NUDT3: variants seen among roughly 807,000 people sequenced by gnomAD.
NUDT3 encodes the protein diphosphoinositol polyphosphate phosphohydrolase 1.
Under a neutral mutation model 23.6 loss-of-function variants are expected in NUDT3, and 9 were observed. That is an observed-to-expected ratio of 0.38 (90% CI 0.23 to 0.66). NUDT3 has a LOEUF of 0.66. Among genes scored for constraint, NUDT3 ranks in the 30% least tolerant of loss-of-function variants. NUDT3 has a pLI of 0.52. For missense variants in NUDT3, 172 were observed against 218.5 expected (o/e 0.79, Z 1.34); for synonymous variants, 86 against 82.6 (o/e 1.04, Z -0.22).
intron 1 of NUDT3, among the ~76,000 whole-genome samples, chr6:34,389,872 G>A (rs185463557): frequency 6.6e-6 from 1 of 152,126 alleles, no homozygotes; most frequent in African/African-American, 2.4e-5. Flanking sequence ...GCTAAGGCAG[G>A]AGAATGGCGT....
At chr6:34,336,184 G>A (rs1036882290) in intron 2 of NUDT3, among the ~76,000 whole-genome samples, 5 of 152,010 alleles carry the variant, frequency 3.3e-5, no homozygotes, top group Admixed American at 1.3e-4. Context: ...CAGGAGAATC[G>A]CTTGAAACCC....
intron 1 of NUDT3, among the ~76,000 whole-genome samples, chr6:34,384,659 AT>A (rs1319225113): frequency 5.9e-5 from 9 of 152,346 alleles, no homozygotes; most frequent in Middle Eastern, 3.4e-3. Flanking sequence ...ATTTTGGATT[AT>A]AAAATCTTAC....
chr6:34,347,950 C>G (rs958387807), intron 1 of NUDT3, among the ~76,000 whole-genome samples: 1 of 151,270 alleles, frequency 6.6e-6, no homozygotes, highest in Non-Finnish European at 1.5e-5. Flanking sequence ...GCCTGGGCAA[C>G]ATACTGAAAC....
At chr6:34,318,850 ACCATGCCCAG>A (rs1763898569) in intron 2 of NUDT3, among the ~76,000 whole-genome samples, 1 of 152,152 alleles carries the variant, frequency 6.6e-6, no homozygotes, top group African/African-American at 2.4e-5. Flanking sequence ...GGTGTGAGCC[ACCATGCCCAG>A]CCTGTACATG....
intron 1 of NUDT3, among the ~76,000 whole-genome samples, chr6:34,387,673 TAAAA>T (rs752125676): frequency 2.0e-5 from 2 of 98,780 alleles, no homozygotes; most frequent in African/African-American, 7.8e-5. Context: ...CATCTCTTTT[TAAAA>T]AAAAAAAAAA....
intron 2 of NUDT3, among the ~76,000 whole-genome samples, chr6:34,297,098 A>T (rs374160142): frequency 1.9e-3 from 295 of 151,474 alleles, no homozygotes; most frequent in African/African-American, 7.0e-3. Context: ...CGCCCGGCTA[A>T]TTTTTTCTAT....
In NUDT3 at chr6:34,304,432, G is replaced by A. The variant is rs1314940075; in HGVS notation, c.211-8747C>T. Among the ~76,000 whole-genome samples the A allele has an allele frequency of 2.0e-5, 3 of 151,144 alleles. No individual in the cohort carries two copies. The East Asian group carries it at 5.8e-4, about 29-fold the overall frequency. On this transcript the variant is annotated intron_variant, in intron 2 of 4. Transcript: ENST00000607016. ...GAAAGGAAAGGAAAGGAAAAGAAAG[G>A]AAAAAGGAAAGGAAGAGTTTGCTAA...
intron 3 of NUDT3, 26 bp from the exon 4 acceptor site, chr6:34,293,561 A>T (rs1317607719): frequency 6.2e-7 from 1 of 1,609,730 alleles, no homozygotes; most frequent in Admixed American, 1.7e-5. Flanking sequence ...AGAAGGATAG[A>T]GAGAGTTTTT....
intron 1 of NUDT3, among the ~76,000 whole-genome samples, chr6:34,350,664 T>C (rs1288660601): frequency 6.6e-6 from 1 of 150,958 alleles, no homozygotes; most frequent in East Asian, 1.9e-4. Flanking sequence ...AAAGCCATTC[T>C]ACTATTTTTA....
intron 2 of NUDT3, among the ~76,000 whole-genome samples, chr6:34,323,887 G>A (rs773880521): frequency 6.6e-6 from 1 of 152,146 alleles, no homozygotes; most frequent in Non-Finnish European, 1.5e-5. Flanking sequence ...CATGGAATTA[G>A]GGTAATATAT....
intron 2 of NUDT3, among the ~76,000 whole-genome samples, chr6:34,302,184 A>G (rs1763607985): frequency 1.3e-5 from 2 of 148,840 alleles, no homozygotes; most frequent in African/African-American, 4.9e-5. Flanking sequence ...GGCACGTGCC[A>G]TCACAACTGG....
rs185999109 is a variant in NUDT3, at chr6:34,356,239, A to G, written c.100-14267T>C. Among the ~76,000 whole-genome samples the G allele has an allele frequency of 3.3e-4, 50 of 152,282 alleles. No homozygotes were observed. The East Asian group carries it at 9.3e-3, about 28-fold the overall frequency. On this transcript the variant is annotated intron_variant, in intron 1 of 4. Coordinates refer to ENST00000607016, the MANE Select transcript of NUDT3 (RefSeq NM_006703.4). ...ATGCCTATATCAAAATATCTTACGT[A>G]CCCACAAAAATTAAAAATTACATTT...
intron 1 of NUDT3, among the ~76,000 whole-genome samples, chr6:34,375,690 G>C (rs1026762138): frequency 6.6e-6 from 1 of 152,074 alleles, no homozygotes; most frequent in African/African-American, 2.4e-5. Context: ...TCAGACTCTT[G>C]GGTTTTTTCA....
chr6:34,307,763 C>T (rs1763703888), intron 2 of NUDT3, among the ~76,000 whole-genome samples: 1 of 152,058 alleles, frequency 6.6e-6, no homozygotes, highest in African/African-American at 2.4e-5. Flanking sequence ...GGACAGAAAG[C>T]TATCAAACAT....
rs562470396 is a variant in NUDT3 at position 34,302,663 on chromosome 6, C to T, written c.211-6978G>A. Among the ~76,000 whole-genome samples, 104 of 151,898 alleles carry T rather than the reference C, an allele frequency of 6.8e-4. 1 individual carries two copies. The highest frequency in any genetic ancestry group is 3.9e-3 in the Admixed American group (60 of 15,240). On this transcript the variant is annotated intron_variant, in intron 2 of 4. Coordinates refer to ENST00000607016, the MANE Select transcript of NUDT3 (RefSeq NM_006703.4). Reference sequence around the variant, plus strand: ...AGGAGAATTGCTTGAACCTGGGAGGCGGAGATTGCAGTGAGCCAAGATTGC... The same window carrying T: ...AGGAGAATTGCTTGAACCTGGGAGGTGGAGATTGCAGTGAGCCAAGATTGC...
At chr6:34,380,769 A>T (rs958164787) in intron 1 of NUDT3, among the ~76,000 whole-genome samples, 1 of 152,170 alleles carries the variant, frequency 6.6e-6, no homozygotes, top group Admixed American at 6.6e-5. Context: ...GCAGGGAATA[A>T]CAGCTTTCTT....
chr6:34,361,795 T>C (rs1280076257), intron 1 of NUDT3, among the ~76,000 whole-genome samples: 1 of 152,158 alleles, frequency 6.6e-6, no homozygotes, highest in Non-Finnish European at 1.5e-5. Flanking sequence ...TCCAACTAGA[T>C]AACATTCTGG....
rs113877473 is a variant in NUDT3 at position 34,367,426 on chromosome 6, G to A, written c.99+24838C>T. 4.5e-3 allele frequency among the ~76,000 whole-genome samples: 677 copies of A among 151,292 alleles called. 5 individuals are homozygous for A. Among genetic ancestry groups the A allele is most frequent in the Middle Eastern group, 0.027 (8 of 292 alleles). ...GAACCTGGGAGGCGGAGGTTGCAGC[G>A]AGCCGAGATCGCACCATTGAACTAC... On this transcript the variant is annotated intron_variant, in intron 1 of 4. Coordinates refer to ENST00000607016, the MANE Select transcript of NUDT3 (RefSeq NM_006703.4).
intron 2 of NUDT3, among the ~76,000 whole-genome samples, chr6:34,327,790 A>C (rs1473589120): frequency 1.3e-5 from 2 of 152,020 alleles, no homozygotes; most frequent in African/African-American, 2.4e-5. Context: ...GGAAAGGGAG[A>C]CTTCCTTTCA....
Sources: allele counts gnomAD v4.1 joint callset (sites outside exome capture counted in the v4.1 genomes callset), GRCh38; gene constraint gnomAD v4.1.1; transcripts MANE v1.5; gene names NCBI Gene and HGNC (gene_info 2026-07-23, HGNC 2026-07-21).